Variants in GPI observed in about 807,000 individuals in gnomAD.
The protein encoded by GPI is D-hexose-6-phosphate anomerase.
GPI carries 56 observed loss-of-function variants against 75.8 expected under a neutral mutation model. The observed-to-expected ratio is 0.74, with a 90% CI of 0.60 to 0.92. The LOEUF is 0.92. GPI is among the 40% of genes least tolerant of loss of function. The pLI, the probability that GPI is intolerant of heterozygous loss-of-function variation, is 0.00. For synonymous variants in GPI, 288 were observed against 285.4 expected, an observed-to-expected ratio of 1.01 and a Z score of -0.09; for missense variants, 638 against 741.0, an observed-to-expected ratio of 0.86 and a Z score of 1.61.
At chr19:34,366,073 G>C (rs1350479119) in intron 1 of GPI, 10 of 665,694 alleles carry the variant, frequency 1.5e-5, no homozygotes, top group Non-Finnish European at 2.8e-5. Flanking sequence ...GGAAGCCCTG[G>C]GAAGGGGTGG....
intron 4 of GPI, 49 bp from the exon 5 acceptor site, chr19:34,377,454 G>A (rs776607851): frequency 2.6e-5 from 35 of 1,355,462 alleles, no homozygotes; most frequent in Non-Finnish European, 3.0e-5. Context: ...TTTGAGCAGC[G>A]GATTATGCCT....
chr19:34,384,548 T>C (rs1395626400), intron 9 of GPI, among the ~76,000 whole-genome samples: 1 of 152,192 alleles, frequency 6.6e-6, no homozygotes, highest in Non-Finnish European at 1.5e-5. Flanking sequence ...GTCCTGCAGT[T>C]GAGGTCAGGC....
At chr19:34,378,462 C>T (rs749056815) in intron 6 of GPI, among the ~76,000 whole-genome samples, 18 of 152,056 alleles carry the variant, frequency 1.2e-4, no homozygotes, top group Non-Finnish European at 2.4e-4. Context: ...TGATGCACCC[C>T]CCCTTGGCCT....
chr19:34,369,786 G>C (rs1325346055), intron 4 of GPI, among the ~76,000 whole-genome samples: 1 of 151,908 alleles, frequency 6.6e-6, no homozygotes, highest in African/African-American at 2.4e-5. Context: ...GTAGCCAGGC[G>C]CAGCAGCTCA....
chr19:34,373,215 G>A (rs963548620), intron 4 of GPI, among the ~76,000 whole-genome samples: 3 of 151,792 alleles, frequency 2.0e-5, no homozygotes, highest in African/African-American at 7.3e-5. Context: ...GGCAAAACCC[G>A]TCTCTACTAA....
At chr19:34,383,205 G>A (rs1279360052) in intron 9 of GPI, among the ~76,000 whole-genome samples, 3 of 152,198 alleles carry the variant, frequency 2.0e-5, no homozygotes, top group African/African-American at 7.2e-5. Flanking sequence ...GTCAGCGCAC[G>A]CCACAGGGCC....
intron 1 of GPI, chr19:34,365,665 C>A (rs1331042185): frequency 1.6e-6 from 1 of 613,482 alleles, no homozygotes; most frequent in South Asian, 1.5e-5. Context: ...CTCCTCCTCC[C>A]CGTGCAGCTC....
intron 4 of GPI, among the ~76,000 whole-genome samples, chr19:34,369,434 C>T (rs1344996988): frequency 1.3e-5 from 2 of 151,984 alleles, no homozygotes; most frequent in Admixed American, 6.6e-5. Flanking sequence ...TGGCTGGGCG[C>T]GATGGCTCAT....
chr19:34,394,213 G>C, intron 12 of GPI, 147 bp downstream of exon 12: 1 of 638,986 alleles, frequency 1.6e-6, no homozygotes, highest in East Asian at 2.7e-5. Flanking sequence ...CTTGTCTCAG[G>C]ATGAATCTTT....
intron 14 of GPI, 49 bp downstream of exon 14, chr19:34,396,706 C>G: frequency 6.9e-7 from 1 of 1,458,740 alleles, no homozygotes. Flanking sequence ...TCACATTGCA[C>G]CCAGACCTCT....
At chr19:34,374,130 C>CT (rs749828679) in intron 4 of GPI, among the ~76,000 whole-genome samples, 23,437 of 113,736 alleles carry the variant, frequency 0.21, 2,504 homozygotes, top group African/African-American at 0.29. Flanking sequence ...CCATGCCCGC[C>CT]TTTTTTTTTT....
At position 34,365,219 on chromosome 19, in the gene GPI, C is replaced by T. The variant is rs774699183; in HGVS notation, c.-48C>T. ...TCGCTTGCTGCGCGCTGCCGGCGCT[C>T]CTTCCTCCTCGGCTCGCGTCTCACT... is the stretch of plus-strand genomic sequence containing the variant. On this transcript the variant is annotated 5_prime_UTR_variant, in exon 1 of 18. Coordinates refer to ENST00000356487, the MANE Select transcript of GPI (RefSeq NM_000175.5). 56 of 1,427,082 alleles carry T rather than the reference C, an allele frequency of 3.9e-5. No individual in the cohort carries two copies. The highest frequency in any genetic ancestry group is 5.1e-5 in the Non-Finnish European group (55 of 1,083,520). 88.4% of individuals were successfully genotyped at this position (1,427,082 alleles called of 1,614,324 possible).
At chr19:34,367,239 A>G (rs940494453) in intron 3 of GPI, 2 of 357,174 alleles carry the variant, frequency 5.6e-6, no homozygotes, top group East Asian at 7.3e-5. Flanking sequence ...AATAGGAAGC[A>G]GTGGTGAGGC....
intron 12 of GPI, among the ~76,000 whole-genome samples, chr19:34,396,059 C>T (rs2074939980): frequency 6.6e-6 from 1 of 151,880 alleles, no homozygotes. Flanking sequence ...CTGCCTCAGC[C>T]TCCCAAGCAG....
intron 12 of GPI, among the ~76,000 whole-genome samples, chr19:34,395,808 T>C (rs535823647): frequency 6.6e-6 from 1 of 152,208 alleles, no homozygotes; most frequent in Admixed American, 6.5e-5. Context: ...TGGGTCTGCC[T>C]GGAGCATCTG....
At chr19:34,381,600 T>G in intron 9 of GPI, 81 bp downstream of exon 9, 1 of 954,712 alleles carries the variant, frequency 1.0e-6, no homozygotes, top group Admixed American at 1.7e-5. Flanking sequence ...TGAGGTCAGG[T>G]CAGTGTTTAT....
chr19:34,400,552 T>C lies in GPI; in HGVS notation c.*516T>C. On this transcript the variant is annotated 3_prime_UTR_variant, in exon 18 of 18. Coordinates refer to ENST00000356487, the MANE Select transcript of GPI (RefSeq NM_000175.5). ...CTGTGTCACCAAATCCCAAGACTGT[T>C]TTCCACTCCTCACCTCTGTGACTGC... 2.2e-6 allele frequency: 1 copy of C among 457,602 alleles called. No homozygotes were observed. Among genetic ancestry groups the C allele is most frequent in the Non-Finnish European group, 3.8e-6 (1 of 261,282 alleles). 28.3% of individuals were successfully genotyped at this position (457,602 alleles called of 1,614,324 possible).
At position 34,393,548 on chromosome 19, in the gene GPI, A is replaced by G; in HGVS notation, c.866-180A>G. ...CCTGTTTCTCTCCTATCCTAGGCAG[A>G]GTCAGATCCCTGCACTCAGGGCCAC... On this transcript the variant is annotated intron_variant, in intron 10 of 17. Transcript: ENST00000356487. This position sits in a 1 kb window ranked among gnomAD's most constrained non-coding sequence, Gnocchi z 4.4. 1.4e-6 allele frequency: 1 copy of G among 717,392 alleles called. No homozygotes were observed. The highest frequency in any genetic ancestry group is 2.5e-6 in the Non-Finnish European group (1 of 405,756). 44.4% of individuals were successfully genotyped at this position (717,392 alleles called of 1,614,324 possible).
chr19:34,385,657 A>C (rs915924354), intron 9 of GPI, among the ~76,000 whole-genome samples: 1 of 152,210 alleles, frequency 6.6e-6, no homozygotes, highest in Non-Finnish European at 1.5e-5. Flanking sequence ...CCAGGTAAGA[A>C]GAACCAAGTG....
Sources: gnomAD v4.1 joint callset for allele counts (sites outside exome capture counted in the v4.1 genomes callset) on GRCh38, gnomAD v4.1.1 for gene constraint, Gnocchi (gnomAD v3.1) non-coding constraint, MANE v1.5 for transcripts, NCBI Gene and HGNC (gene_info 2026-07-23, HGNC 2026-07-21) for gene names.